The following CCNB3 variants were observed in gnomAD, a reference collection of about 807,000 sequenced individuals.
CCNB3 encodes the protein G2/mitotic-specific cyclin-B3.
In CCNB3, 12 loss-of-function variants were observed where a neutral mutation model predicts 68.0. That is an observed-to-expected ratio of 0.18 (90% confidence interval 0.11 to 0.29). The LOEUF is 0.29. Among genes scored for constraint, CCNB3 ranks in the 10% least tolerant of loss-of-function variants. The pLI is 1.00. For missense variants in CCNB3, 904 were observed against 993.1 expected (o/e 0.91, Z 1.21); for synonymous variants, 354 against 388.9 (o/e 0.91, Z 1.06).
Position 50,309,661 on chromosome X carries a change from C to A in CCNB3, c.1492C>A (p.Gln498Lys). Residue 498 changes from glutamine (Q) to lysine (K), a missense_variant, in exon 6 of 13, where the codon CAG becomes AAG. Transcript: ENST00000376042. The stretch of plus-strand genomic sequence containing the variant: ...AATTTTAAAGAGGAAGCATGCCACT[C>A]AGGGGACAATGTCCCACTTGAAGAA... ...PLILKRKHAT[Q>K]GTMSHLKKPL... 8.3e-7 allele frequency: 1 copy of A among 1,210,530 alleles called. No individual in the cohort carries two copies.
chrX:50,310,638 A>T lies in CCNB3; in HGVS notation c.2469A>T (p.Thr823=). 8.3e-7 allele frequency: 1 copy of T among 1,210,665 alleles called. No individual in the cohort carries two copies. Among genetic ancestry groups the T allele is most frequent in the South Asian group, 1.8e-5 (1 of 56,801 alleles). ...TCCTCAAGGAGCCCACTATTGACAC[A>T]GAAGCTCACTTTAAGGAACCTTTGG... The part of the protein sequence containing the change: ...EAVLKEPTID[T]EAHFKEPLAL... Residue 823 remains threonine (T), a synonymous_variant, in exon 6 of 13, where the codon ACA becomes ACT. Coordinates refer to ENST00000376042, the MANE Select transcript of CCNB3 (RefSeq NM_033031.3).
rs189665384 is a variant in CCNB3 at position 50,350,150 on chromosome X, A to G, written c.3961-1091A>G. On this transcript the variant is annotated intron_variant, in intron 11 of 12. Coordinates refer to ENST00000376042, the MANE Select transcript of CCNB3 (RefSeq NM_033031.3). Reference sequence around the variant, plus strand: ...GTCCCTCATTCATTTTTGTGTTCCCAGGATCCTACATATAGGGCTTGGTAA... The same window carrying G: ...GTCCCTCATTCATTTTTGTGTTCCCGGGATCCTACATATAGGGCTTGGTAA... Among the ~76,000 whole-genome samples, 171 of 110,865 alleles carry G rather than the reference A, an allele frequency of 1.5e-3. 2 individuals are homozygous for G. The highest frequency in any genetic ancestry group is 4.4e-3 in the Admixed American group (46 of 10,397).
At chrX:50,322,713 A>G (rs1482252436) in intron 8 of CCNB3, among the ~76,000 whole-genome samples, 2 of 112,112 alleles carry the variant, frequency 1.8e-5, no homozygotes, top group African/African-American at 6.5e-5. Flanking sequence ...AAATAACTCA[A>G]ACAAATTTAC....
intron 8 of CCNB3, among the ~76,000 whole-genome samples, chrX:50,327,157 T>G (rs1922335061): frequency 8.9e-6 from 1 of 112,067 alleles, no homozygotes; most frequent in South Asian, 3.7e-4. Flanking sequence ...CCTGGAGCAC[T>G]GCCCCTATTT....
At chrX:50,305,649 G>A (rs1557213419) in intron 5 of CCNB3, among the ~76,000 whole-genome samples, 1 of 109,049 alleles carries the variant, frequency 9.2e-6, no homozygotes, top group African/African-American at 3.3e-5. Flanking sequence ...AAAACTTAAA[G>A]TATATTAAAA....
intron 8 of CCNB3, among the ~76,000 whole-genome samples, chrX:50,334,940 C>A (rs1922775746): frequency 8.9e-6 from 1 of 111,984 alleles, no homozygotes; most frequent in African/African-American, 3.2e-5. Flanking sequence ...AGGCTGCGCT[C>A]CCCTTTCTGA....
At chrX:50,224,568 G>T (rs1935724740) in intron 1 of CCNB3, among the ~76,000 whole-genome samples, 1 of 111,872 alleles carries the variant, frequency 8.9e-6, no homozygotes, top group South Asian at 3.7e-4. Context: ...AAAAATAGGA[G>T]AAATGAAACT....
intron 1 of CCNB3, among the ~76,000 whole-genome samples, chrX:50,283,528 C>A (rs1936179153): frequency 9.0e-6 from 1 of 111,670 alleles, no homozygotes; most frequent in South Asian, 3.8e-4. Context: ...CCTTCTCCAT[C>A]CAAAGCGAAA....
intron 1 of CCNB3, among the ~76,000 whole-genome samples, chrX:50,224,063 T>A (rs1317513248): frequency 8.9e-6 from 1 of 111,867 alleles, no homozygotes; most frequent in African/African-American, 3.2e-5. Flanking sequence ...GTTGTTAGGT[T>A]TTTTTTAACC....
chrX:50,303,643 T>A (rs1444144195), intron 5 of CCNB3, among the ~76,000 whole-genome samples: 2 of 111,316 alleles, frequency 1.8e-5, no homozygotes, highest in African/African-American at 3.3e-5. Flanking sequence ...CTTAATTTTT[T>A]AATTTTATTT....
intron 1 of CCNB3, among the ~76,000 whole-genome samples, chrX:50,226,587 A>AAT (rs1162411555): frequency 1.6e-5 from 1 of 63,211 alleles, no homozygotes; most frequent in African/African-American, 6.4e-5. Flanking sequence ...AATACATACA[A>AAT]ATATATATAT....
intron 6 of CCNB3, 114 bp from the exon 7 acceptor site, chrX:50,312,423 A>G: frequency 1.6e-6 from 1 of 611,736 alleles, no homozygotes; most frequent in Non-Finnish European, 2.7e-6. Flanking sequence ...ACAAGGCTTG[A>G]GACACCTTAG....
At chrX:50,344,163 T>A (rs1338690263) in intron 9 of CCNB3, among the ~76,000 whole-genome samples, 2 of 112,531 alleles carry the variant, frequency 1.8e-5, no homozygotes, top group African/African-American at 6.5e-5. Context: ...TGTGCATAGG[T>A]GTGTAGCCTA....
intron 1 of CCNB3, among the ~76,000 whole-genome samples, chrX:50,209,904 T>C (rs1450983984): frequency 8.9e-6 from 1 of 111,846 alleles, no homozygotes; most frequent in East Asian, 2.8e-4. Flanking sequence ...TATGCTTGCA[T>C]TGGATTTACT....
intron 11 of CCNB3, among the ~76,000 whole-genome samples, chrX:50,348,152 T>C (rs942251089): frequency 5.4e-5 from 6 of 110,735 alleles, no homozygotes; most frequent in African/African-American, 1.6e-4. Flanking sequence ...TGAGGCAGCT[T>C]GTTGGAACAG....
Position 50,351,724 on chromosome X carries a change from A to T in CCNB3, c.*21A>T, listed in dbSNP as rs782571801. On this transcript the variant is annotated 3_prime_UTR_variant, in exon 13 of 13. Transcript: ENST00000376042. ...TCTAGCAGCAGCCACAGGGCTAAGC[A>T]TGCATGTTAACAGGGTATATTTATT... The T allele has an allele frequency of 2.7e-6, 3 of 1,112,987 alleles. No homozygotes were observed. Among genetic ancestry groups the T allele is most frequent in the Non-Finnish European group, 1.2e-6 (1 of 809,440 alleles). The allele number at this position is 1,112,987 out of a possible 1,213,427, so 91.7% of individuals were successfully genotyped here.
chrX:50,319,808 A>G (rs1921922686), intron 8 of CCNB3, among the ~76,000 whole-genome samples: 1 of 111,665 alleles, frequency 9.0e-6, no homozygotes, highest in South Asian at 3.8e-4. Context: ...CCTGCGTAAT[A>G]TATTTTTTTA....
At chrX:50,328,397 G>A (rs1445462076) in intron 8 of CCNB3, among the ~76,000 whole-genome samples, 2 of 112,065 alleles carry the variant, frequency 1.8e-5, no homozygotes, top group African/African-American at 6.5e-5. Context: ...ATTGCAGAAG[G>A]TGAAGCAGGA....
chrX:50,212,693 C>G (rs1935501946), intron 1 of CCNB3, among the ~76,000 whole-genome samples: 2 of 110,774 alleles, frequency 1.8e-5, no homozygotes, highest in Admixed American at 1.9e-4. Flanking sequence ...CCCTATACAT[C>G]CCAGCTTTAG....
Sources: gnomAD v4.1 joint callset for allele counts (sites outside exome capture counted in the v4.1 genomes callset) on GRCh38, gnomAD v4.1.1 for gene constraint, MANE v1.5 for transcripts, NCBI Gene and HGNC (gene_info 2026-07-23, HGNC 2026-07-21) for gene names.